Variants in USP34 observed in about 807,000 individuals in gnomAD.
USP34 encodes ubiquitin carboxyl-terminal hydrolase 34.
In USP34, 70 loss-of-function variants were observed where a neutral mutation model predicts 460.3. The observed-to-expected ratio is 0.15, with a 90% CI of 0.13 to 0.19. The LOEUF (loss-of-function observed/expected upper bound fraction) is 0.19, where lower values mean the gene tolerates loss of function less well. Among genes scored for constraint, USP34 ranks in the 10% least tolerant of loss-of-function variants. USP34 has a pLI of 1.00. For missense variants in USP34, 3,985 were observed against 4,236.2 expected (o/e 0.94, Z 1.65); for synonymous variants, 1,647 against 1,405.3 (o/e 1.17, Z -3.85).
intron 67 of USP34, among the ~76,000 whole-genome samples, chr2:61,217,512 CTACA>C (rs1428339840): frequency 1.3e-5 from 2 of 152,262 alleles, no homozygotes; most frequent in Admixed American, 1.3e-4. Flanking sequence ...TTTCATATTA[CTACA>C]TAGTCTTCAC....
At chr2:61,209,774 G>C (rs1687220664) in intron 69 of USP34, among the ~76,000 whole-genome samples, 2 of 152,178 alleles carry the variant, frequency 1.3e-5, no homozygotes, top group South Asian at 4.1e-4. Context: ...CCAGAAGAAG[G>C]CATCATTGTC....
At chr2:61,270,179 G>C (rs1419503935) in intron 41 of USP34, among the ~76,000 whole-genome samples, 1 of 152,184 alleles carries the variant, frequency 6.6e-6, no homozygotes, top group South Asian at 2.1e-4. Context: ...GGGACCTTTG[G>C]AAGGTTATTA....
At chr2:61,370,008 C>T (rs1022815585) in intron 10 of USP34, among the ~76,000 whole-genome samples, 3 of 132,414 alleles carry the variant, frequency 2.3e-5, no homozygotes, top group Non-Finnish European at 3.2e-5. Context: ...AAAAACAGTA[C>T]ATCAGACAAG....
chr2:61,206,120 C>T lies in USP34; in HGVS notation c.9051G>A (p.Val3017=), dbSNP rs887343364. ...STRPYLQRKD[V]KQALIQWQER... is the part of the protein sequence containing the mutation. Reference sequence around the variant, plus strand: ...CCTGCCACTGGATTAATGCTTGTTTCACATCTGCAAATATAAAAGCACATA... The same window carrying T: ...CCTGCCACTGGATTAATGCTTGTTTTACATCTGCAAATATAAAAGCACATA... The change falls in exon 72 of 80, where the codon GTG becomes GTA. Residue 3017 remains valine, a synonymous_variant. Transcript: ENST00000398571. 6.2e-7 allele frequency: 1 copy of T among 1,613,030 alleles called. No homozygotes were observed. The highest frequency in any genetic ancestry group is 1.3e-5 in the African/African-American group (1 of 75,004).
chr2:61,415,611 T>A (rs1199393615), intron 2 of USP34, among the ~76,000 whole-genome samples: 2 of 152,150 alleles, frequency 1.3e-5, no homozygotes, highest in East Asian at 3.9e-4. Flanking sequence ...GAGGTTAATA[T>A]CAAAACCAAC....
chr2:61,341,343 G>A (rs1691592190), intron 16 of USP34, among the ~76,000 whole-genome samples: 1 of 152,130 alleles, frequency 6.6e-6, no homozygotes, highest in African/African-American at 2.4e-5. Context: ...CATATGGTAG[G>A]TATATATTTA....
chr2:61,299,163 G>C (rs1690141399), intron 29 of USP34, among the ~76,000 whole-genome samples: 1 of 151,946 alleles, frequency 6.6e-6, no homozygotes, highest in South Asian at 2.1e-4. Context: ...TGAGGTATAA[G>C]AAACAGAAGG....
At position 61,296,982 on chromosome 2, in the gene USP34, A is replaced by G. The variant is rs1051244808; in HGVS notation, c.4129-57T>C. 2.0e-6 allele frequency: 3 copies of G among 1,524,492 alleles called. No individual in the cohort carries two copies. In the Admixed American group the frequency reaches 6.9e-5, roughly 35 times the overall value. The allele number at this position is 1,524,492 out of a possible 1,614,324, so 94.4% of individuals were successfully genotyped here. A position where few individuals can be genotyped will look rare whatever the true frequency, so the allele number is the denominator to read the frequency against. On this transcript the variant is annotated intron_variant, in intron 29 of 79. Coordinates refer to ENST00000398571, the MANE Select transcript of USP34 (RefSeq NM_014709.4). ...ACAGATCAGAAAAGAAAAAGTTTTA[A>G]GTTCAAATTTTTGCATAAAGTAATG... is the stretch of plus-strand genomic sequence containing the variant.
chr2:61,343,881 G>T lies in USP34; in HGVS notation c.2434C>A (p.Leu812Met). 6.2e-7 allele frequency: 1 copy of T among 1,614,000 alleles called. No individual in the cohort carries two copies. The highest frequency in any genetic ancestry group is 8.5e-7 in the Non-Finnish European group (1 of 1,179,942). Reference protein sequence around the residue: ...ELVQINSHAELTSHLQQHLPN... With the variant: ...ELVQINSHAEMTSHLQQHLPN... Reference sequence around the variant, plus strand: ...AGATGTTGTTGGAGGTGAGATGTCAGTTCCGCATGTGAATTAATCTGAACT... The same window carrying T: ...AGATGTTGTTGGAGGTGAGATGTCATTTCCGCATGTGAATTAATCTGAACT... The change falls in exon 16 of 80, where the codon CTG becomes ATG. Residue 812 changes from leucine to methionine, a missense_variant. By Grantham distance (15) the Leu-to-Met change is conservative. This residue lies in a region of USP34 where 716 missense variants were observed against 626.2 expected (regional missense o/e 1.14). Transcript: ENST00000398571.
At chr2:61,295,064 T>C (rs779599883) in intron 31 of USP34, 32 bp from the exon 32 acceptor site, 2 of 1,604,528 alleles carry the variant, frequency 1.2e-6, no homozygotes, top group African/African-American at 2.7e-5. Context: ...TAAGGCAGAA[T>C]GGCGGAAGAA....
chr2:61,317,708 G>A lies in USP34; in HGVS notation c.3228C>T (p.Leu1076=). The A allele has an allele frequency of 6.2e-7, 1 of 1,614,104 alleles. No homozygotes were observed. The highest frequency in any genetic ancestry group is 8.5e-7 in the Non-Finnish European group (1 of 1,180,006). The change falls in exon 23 of 80, where the codon CTC becomes CTT. Residue 1076 remains leucine, a synonymous_variant. Coordinates refer to ENST00000398571, the MANE Select transcript of USP34 (RefSeq NM_014709.4). ...SMTGLNLFQH[L]CNLARLATSA... ...TGGTAGCCAATCGAGCCAAGTTACA[G>A]AGATGCTGAAACAGGTTTAAGCCAG...
Position 61,284,820 on chromosome 2 carries a change from A to G in USP34, c.4832+55T>C. The G allele has an allele frequency of 8.6e-6, 12 of 1,391,320 alleles. 1 individual carries two copies. The highest frequency in any genetic ancestry group is 4.4e-5 in the South Asian group (3 of 68,366). The allele number at this position is 1,391,320 out of a possible 1,614,324, so 86.2% of individuals were successfully genotyped here. On this transcript the variant is annotated intron_variant, in intron 35 of 79. Transcript: ENST00000398571. Reference sequence around the variant, plus strand: ...TAGAATTTTTCAAAATAAAGTTTTAAAACATTATATTCCTGCTATACATAC... The same window carrying G: ...TAGAATTTTTCAAAATAAAGTTTTAGAACATTATATTCCTGCTATACATAC...
intron 34 of USP34, among the ~76,000 whole-genome samples, chr2:61,286,274 A>C (rs969749707): frequency 1.3e-5 from 2 of 152,146 alleles, no homozygotes; most frequent in African/African-American, 4.8e-5. Context: ...ATTTCCATAG[A>C]TCTGAGATAT....
At chr2:61,257,402 A>G (rs1168029336) in intron 44 of USP34, 52 bp from the exon 45 acceptor site, 1 of 1,480,708 alleles carries the variant, frequency 6.8e-7, no homozygotes, top group South Asian at 1.4e-5. Flanking sequence ...TAAGAAAATT[A>G]TAGGTTCTTC....
intron 31 of USP34, 59 bp downstream of exon 31, chr2:61,295,109 T>G: frequency 1.9e-6 from 3 of 1,597,336 alleles, no homozygotes; most frequent in African/African-American, 2.7e-5. Flanking sequence ...CAATACATTA[T>G]AGAATTTTGC....
chr2:61,329,020 TTTTG>T lies in USP34; in HGVS notation c.2930+2252_2930+2255del, dbSNP rs752355051. Among the ~76,000 whole-genome samples the T allele has an allele frequency of 1.6e-4, 25 of 152,086 alleles. No homozygotes were observed. In the East Asian group the frequency reaches 2.1e-3, roughly 13 times the overall value. On this transcript the variant is annotated intron_variant, in intron 20 of 79. Coordinates refer to ENST00000398571, the MANE Select transcript of USP34 (RefSeq NM_014709.4). ...TTCTGCTCTTTGTTGATCCTATGAT[TTTTG>T]TTTGTTTTGTTTTTGAGACGGAGTT... is the stretch of plus-strand genomic sequence containing the variant.
In USP34 at chr2:61,317,175, C is replaced by T. The variant is rs547889774; in HGVS notation, c.3282+479G>A. 3.9e-5 allele frequency among the ~76,000 whole-genome samples: 6 copies of T among 152,220 alleles called. No homozygotes were observed. The South Asian group carries it at 1.2e-3, about 32-fold the overall frequency. ...ATGTAATAGATTTTCATTAAGCACA[C>T]CCAATGTTATCTTTCATACTGAAAA... On this transcript the variant is annotated intron_variant, in intron 23 of 79. Coordinates refer to ENST00000398571, the MANE Select transcript of USP34 (RefSeq NM_014709.4).
chr2:61,254,564 A>G (rs1169629143), intron 48 of USP34, among the ~76,000 whole-genome samples: 1 of 152,248 alleles, frequency 6.6e-6, no homozygotes, highest in Non-Finnish European at 1.5e-5. Flanking sequence ...CTAACTGCAT[A>G]AGATGCTCTT....
rs762892653 is a variant in USP34, at chr2:61,278,161, T to C, written c.5433+4A>G. On this transcript the variant is annotated splice_donor_region_variant and intron_variant, in intron 41 of 79. Coordinates refer to ENST00000398571, the MANE Select transcript of USP34 (RefSeq NM_014709.4). ...TAGAAACATTTGATTATCTTAACAC[T>C]TACCTGTCCTTCCCTTGAAAATTTA... is the stretch of plus-strand genomic sequence containing the variant. The C allele has an allele frequency of 2.4e-5, 39 of 1,611,816 alleles. No homozygotes were observed. The East Asian group carries it at 8.5e-4, about 35-fold the overall frequency.
Sources: gnomAD v4.1 joint callset for allele counts (sites outside exome capture counted in the v4.1 genomes callset) on GRCh38, gnomAD v4.1.1 for gene constraint, gnomAD v4.1.1 regional missense constraint, MANE v1.5 for transcripts, NCBI Gene and HGNC (gene_info 2026-07-23, HGNC 2026-07-21) for gene names.